The following FAM89A variants were observed in gnomAD, a reference collection of about 807,000 sequenced individuals.
FAM89A encodes family with sequence similarity 89 member A, also known as protein FAM89A.
In FAM89A, 10 loss-of-function variants were observed where a neutral mutation model predicts 7.1. That is an observed-to-expected ratio of 1.40 (90% confidence interval 0.86 to 2.38). The LOEUF (loss-of-function observed/expected upper bound fraction) is 2.38. Ranked by LOEUF, FAM89A falls within the 30% of genes most tolerant of loss-of-function variation. The pLI, the probability that FAM89A is intolerant of heterozygous loss-of-function variation, is 0.00. For missense variants in FAM89A, 276 were observed against 262.8 expected (o/e 1.05, Z -0.35); for synonymous variants, 157 against 129.3 (o/e 1.21, Z -1.45).
At position 231,020,136 on chromosome 1, in the gene FAM89A, A is replaced by G; in HGVS notation, c.292-10T>C. 6.3e-7 allele frequency: 1 copy of G among 1,579,406 alleles called. No homozygotes were observed. The highest frequency in any genetic ancestry group is 8.6e-7 in the Non-Finnish European group (1 of 1,161,246). On this transcript the variant is annotated splice_polypyrimidine_tract_variant and intron_variant, in intron 1 of 1. Transcript: ENST00000366654. ...GCTGGCGGAGACCAACCTTGAGGGAAGGGGTGGGGAGGTAAAAAACGAGAA... is the reference window on the plus strand; with the variant it reads ...GCTGGCGGAGACCAACCTTGAGGGAGGGGGTGGGGAGGTAAAAAACGAGAA...
chr1:231,035,441 G>A (rs1490133883), intron 1 of FAM89A, among the ~76,000 whole-genome samples: 1 of 152,200 alleles, frequency 6.6e-6, no homozygotes, highest in African/African-American at 2.4e-5. Context: ...GACTGTGGGA[G>A]CAGCTGAACC....
chr1:231,021,378 T>C (rs966862735), intron 1 of FAM89A, among the ~76,000 whole-genome samples: 3 of 151,558 alleles, frequency 2.0e-5, no homozygotes, highest in Admixed American at 1.3e-4. Context: ...GGTACAGCTC[T>C]CCTGGGCGGC....
chr1:231,035,445 C>G (rs1206549282), intron 1 of FAM89A, among the ~76,000 whole-genome samples: 1 of 152,208 alleles, frequency 6.6e-6, no homozygotes, highest in South Asian at 2.1e-4. Flanking sequence ...GTGGGAGCAG[C>G]TGAACCCAAG....
At chr1:231,039,079 G>C (rs1680206496) in intron 1 of FAM89A, among the ~76,000 whole-genome samples, 1 of 152,240 alleles carries the variant, frequency 6.6e-6, no homozygotes, top group South Asian at 2.1e-4. Flanking sequence ...ACGCCTGGCC[G>C]AGAAAGCTGG....
intron 1 of FAM89A, chr1:231,021,809 G>T: frequency 6.2e-7 from 1 of 1,601,702 alleles, no homozygotes; most frequent in Non-Finnish European, 8.6e-7. Context: ...CAATGACTCT[G>T]TTGTGATTGT....
intron 1 of FAM89A, among the ~76,000 whole-genome samples, chr1:231,022,693 G>A (rs1679901895): frequency 6.6e-6 from 1 of 152,142 alleles, no homozygotes; most frequent in African/African-American, 2.4e-5. Context: ...GAGGTCACCC[G>A]TGATTCTGCC....
At chr1:231,030,239 C>A (rs561905845) in intron 1 of FAM89A, among the ~76,000 whole-genome samples, 2 of 152,340 alleles carry the variant, frequency 1.3e-5, no homozygotes, top group South Asian at 4.1e-4. Flanking sequence ...GGACTAGACT[C>A]TAAAGCGCCA....
rs1218623610 is a variant in FAM89A at position 231,039,906 on chromosome 1, C to T, written c.291+15G>A. 1 of 1,294,492 alleles carries T rather than the reference C, an allele frequency of 7.7e-7. No homozygotes were observed. The highest frequency in any genetic ancestry group is 9.8e-7 in the Non-Finnish European group (1 of 1,023,008). The allele number at this position is 1,294,492 out of a possible 1,614,324, so 80.2% of individuals were successfully genotyped here. On this transcript the variant is annotated intron_variant, in intron 1 of 1. Coordinates refer to ENST00000366654, the MANE Select transcript of FAM89A (RefSeq NM_198552.3). ...CCCGGCCGGGAAGAGCCCCAGCTCG[C>T]GGAGCCCCACTCACCATCTCTTTGC...
intron 1 of FAM89A, among the ~76,000 whole-genome samples, chr1:231,023,494 G>A (rs1183508089): frequency 6.6e-6 from 1 of 152,130 alleles, no homozygotes; most frequent in Non-Finnish European, 1.5e-5. Context: ...AAAACAAACA[G>A]CCTTTTCGTG....
At chr1:231,021,793 G>A (rs1020741675) in intron 1 of FAM89A, 26 of 1,602,722 alleles carry the variant, frequency 1.6e-5, no homozygotes, top group Non-Finnish European at 2.2e-5. Flanking sequence ...TGGTTGATCT[G>A]ACTCACAATG....
intron 1 of FAM89A, among the ~76,000 whole-genome samples, chr1:231,027,350 C>T (rs571112385): frequency 6.6e-6 from 1 of 152,220 alleles, no homozygotes; most frequent in Non-Finnish European, 1.5e-5. Context: ...AGAAAGGAAT[C>T]CTGACCGCCT....
chr1:231,038,347 C>T (rs1172537777), intron 1 of FAM89A, among the ~76,000 whole-genome samples: 1 of 152,170 alleles, frequency 6.6e-6, no homozygotes, highest in Non-Finnish European at 1.5e-5. Flanking sequence ...CACGTTGACT[C>T]CCAAGCCACC....
chr1:231,039,965 GCT>G lies in FAM89A; in HGVS notation c.245_246del (p.Lys82ThrfsTer62). On this transcript the variant is annotated frameshift_variant, in exon 1 of 2. Coordinates refer to ENST00000366654, the MANE Select transcript of FAM89A (RefSeq NM_198552.3). LOFTEE classifies it low-confidence loss of function (END_TRUNC). ...GCCAGAGCGGCGTCCAGGTTGGGAG[GCT>G]TGGCGGGCAGCGCTGCCGCCCGGGC... ...GGARAAALPAKPPNLDAALAL... is the reference protein window; with the variant it reads ...GGARAAALPAXPPNLDAALAL... The G allele has an allele frequency of 7.3e-7, 1 of 1,372,568 alleles. No individual in the cohort carries two copies. The highest frequency in any genetic ancestry group is 9.3e-7 in the Non-Finnish European group (1 of 1,071,328). 85.0% of individuals were successfully genotyped at this position (1,372,568 alleles called of 1,614,324 possible).
At chr1:231,027,537 T>C (rs555887702) in intron 1 of FAM89A, among the ~76,000 whole-genome samples, 78 of 152,286 alleles carry the variant, frequency 5.1e-4, no homozygotes, top group African/African-American at 1.7e-3. Flanking sequence ...AACTTCCTGA[T>C]TTACCAGAAA....
intron 1 of FAM89A, among the ~76,000 whole-genome samples, chr1:231,036,693 G>A (rs4074492): frequency 0.39 from 58,962 of 151,784 alleles, 11,534 homozygotes; most frequent in East Asian, 0.55. Flanking sequence ...CTCGGCATCC[G>A]AATGGCCTCT....
chr1:231,039,966 C>A lies in FAM89A; in HGVS notation c.246G>T (p.Lys82Asn), dbSNP rs1558258571. 7.3e-7 allele frequency: 1 copy of A among 1,372,994 alleles called. No homozygotes were observed. The highest frequency in any genetic ancestry group is 3.7e-5 in the Admixed American group (1 of 26,856). 85.1% of individuals were successfully genotyped at this position (1,372,994 alleles called of 1,614,324 possible). A position where few individuals can be genotyped will look rare whatever the true frequency, so the allele number is the denominator to read the frequency against. ...GGARAAALPA[K>N]PPNLDAALAL... Reference sequence around the variant, plus strand: ...CCAGAGCGGCGTCCAGGTTGGGAGGCTTGGCGGGCAGCGCTGCCGCCCGGG... The same window carrying A: ...CCAGAGCGGCGTCCAGGTTGGGAGGATTGGCGGGCAGCGCTGCCGCCCGGG... Residue 82 changes from lysine to asparagine, a missense_variant, in exon 1 of 2, where the codon AAG becomes AAT. Transcript: ENST00000366654.
chr1:231,029,786 T>C lies in FAM89A; in HGVS notation c.292-9660A>G, dbSNP rs1680038436. Among the ~76,000 whole-genome samples the C allele has an allele frequency of 3.9e-5, 6 of 152,224 alleles. No homozygotes were observed. The South Asian group carries it at 1.2e-3, about 32-fold the overall frequency. On this transcript the variant is annotated intron_variant, in intron 1 of 1. Transcript: ENST00000366654. ...TCACAGTTATCTTTTAAAAACACAA[T>C]GAATGAGTAAGTATATACAGATGGC...
At chr1:231,030,127 G>T (rs1277529939) in intron 1 of FAM89A, among the ~76,000 whole-genome samples, 1 of 152,152 alleles carries the variant, frequency 6.6e-6, no homozygotes, top group Non-Finnish European at 1.5e-5. Flanking sequence ...GGCTTCTGAT[G>T]ACCTGGTCTC....
At chr1:231,034,733 C>A (rs1454509641) in intron 1 of FAM89A, among the ~76,000 whole-genome samples, 1 of 141,514 alleles carries the variant, frequency 7.1e-6, no homozygotes, top group Non-Finnish European at 1.5e-5. Context: ...GATCGCGCCA[C>A]TGCACTGCAG....
Sources: gnomAD v4.1 joint callset for allele counts (sites outside exome capture counted in the v4.1 genomes callset) on GRCh38, gnomAD v4.1.1 for gene constraint, MANE v1.5 for transcripts, NCBI Gene and HGNC (gene_info 2026-07-23, HGNC 2026-07-21) for gene names.